Variants in CPA6 observed in about 807,000 individuals in gnomAD.
The protein encoded by CPA6 is carboxypeptidase B.
CPA6 carries 58 observed loss-of-function variants against 63.3 expected under a neutral mutation model. The observed-to-expected ratio is 0.92, with a 90% confidence interval of 0.74 to 1.14. The LOEUF (loss-of-function observed/expected upper bound fraction) is 1.14, where lower values mean the gene tolerates loss of function less well. CPA6 is among the 50% of genes most tolerant of loss of function. CPA6 has a pLI of 0.00. For synonymous variants in CPA6, 185 were observed against 179.0 expected, an observed-to-expected ratio of 1.03 and a Z score of -0.27; for missense variants, 565 against 526.6, an observed-to-expected ratio of 1.07 and a Z score of -0.71.
intron 1 of CPA6, among the ~76,000 whole-genome samples, chr8:67,714,814 A>G (rs1394038502): frequency 6.6e-6 from 1 of 152,198 alleles, no homozygotes; most frequent in African/African-American, 2.4e-5. Flanking sequence ...ATTAGAGACA[A>G]GTATGATAAA....
chr8:67,732,210 G>T (rs1047102211), intron 1 of CPA6, among the ~76,000 whole-genome samples: 2 of 152,168 alleles, frequency 1.3e-5, no homozygotes, highest in Non-Finnish European at 2.9e-5. Flanking sequence ...TGGGAATATC[G>T]CCCTTAAGCA....
intron 1 of CPA6, among the ~76,000 whole-genome samples, chr8:67,716,699 G>A (rs984238962): frequency 1.3e-5 from 2 of 152,146 alleles, no homozygotes; most frequent in Non-Finnish European, 2.9e-5. Flanking sequence ...TTAAATCTTT[G>A]TAGCTATCTT....
At chr8:67,562,483 T>C (rs1813235812) in intron 2 of CPA6, among the ~76,000 whole-genome samples, 1 of 152,196 alleles carries the variant, frequency 6.6e-6, no homozygotes, top group African/African-American at 2.4e-5. Context: ...CTATTACCAA[T>C]GCAGCTCCTT....
chr8:67,573,870 C>T (rs555507884), intron 2 of CPA6, among the ~76,000 whole-genome samples: 48 of 105,172 alleles, frequency 4.6e-4, no homozygotes, highest in African/African-American at 1.7e-3. Flanking sequence ...CCAGCCTGGG[C>T]GACAGAGCAA....
chr8:67,448,674 A>AGAACG (rs1214772054), intron 8 of CPA6, among the ~76,000 whole-genome samples: 6 of 149,246 alleles, frequency 4.0e-5, no homozygotes, highest in African/African-American at 1.5e-4. Context: ...GAAAAAGAAA[A>AGAACG]AAAAAGAAAG....
At chr8:67,652,244 T>C (rs1054357536) in intron 1 of CPA6, among the ~76,000 whole-genome samples, 1 of 152,216 alleles carries the variant, frequency 6.6e-6, no homozygotes, top group African/African-American at 2.4e-5. Context: ...TTATAGTCCT[T>C]TGGGTATATA....
intron 8 of CPA6, among the ~76,000 whole-genome samples, chr8:67,472,721 C>A (rs931811548): frequency 6.6e-6 from 1 of 152,092 alleles, no homozygotes; most frequent in Admixed American, 6.6e-5. Flanking sequence ...AACCATTGCG[C>A]CTGGCTTGTA....
intron 2 of CPA6, among the ~76,000 whole-genome samples, chr8:67,613,855 C>T (rs72657250): frequency 0.1 from 15,811 of 152,080 alleles, 914 homozygotes; most frequent in Middle Eastern, 0.18. Flanking sequence ...AGAAATAGAC[C>T]AGCAGACAGA....
At chr8:67,607,229 T>C (rs972506512) in intron 2 of CPA6, among the ~76,000 whole-genome samples, 2 of 123,892 alleles carry the variant, frequency 1.6e-5, no homozygotes, top group Non-Finnish European at 1.7e-5. Flanking sequence ...CTTCTTCTTC[T>C]TCTTCTTCTT....
At chr8:67,713,099 G>GTGTGTGTGTGTATATATA (rs1328463977) in intron 1 of CPA6, among the ~76,000 whole-genome samples, 31 of 55,028 alleles carry the variant, frequency 5.6e-4, no homozygotes, top group African/African-American at 2.3e-3. Flanking sequence ...GTGTGTGTGT[G>GTGTGTGTGTGTATATATA]TATATATATA....
In CPA6 at chr8:67,709,759, A is replaced by C. The variant is rs74980705; in HGVS notation, c.116+36255T>G. Among the ~76,000 whole-genome samples, 629 of 152,362 alleles carry C rather than the reference A, an allele frequency of 4.1e-3. 4 individuals are homozygous for C. The highest frequency in any genetic ancestry group is 0.012 in the African/African-American group (518 of 41,582). On this transcript the variant is annotated intron_variant, in intron 1 of 10. Transcript: ENST00000297770. ...TGGAAGATATACATTGGTTCAGCCC[A>C]AAAGGGCAGGACATCTTGAAGTATG... is the stretch of plus-strand genomic sequence containing the variant.
chr8:67,531,321 A>G (rs1812473076), intron 2 of CPA6, among the ~76,000 whole-genome samples: 1 of 152,174 alleles, frequency 6.6e-6, no homozygotes, highest in South Asian at 2.1e-4. Context: ...TTATCTAGGT[A>G]AAATAACATG....
chr8:67,463,116 GA>G (rs1810850024), intron 8 of CPA6, among the ~76,000 whole-genome samples: 1 of 152,138 alleles, frequency 6.6e-6, no homozygotes, highest in African/African-American at 2.4e-5. Context: ...AATAAATGCA[GA>G]AAACATACTA....
chr8:67,705,529 C>T (rs546541740), intron 1 of CPA6, among the ~76,000 whole-genome samples: 1 of 152,314 alleles, frequency 6.6e-6, no homozygotes, highest in African/African-American at 2.4e-5. Context: ...GGACCAATTA[C>T]CATTCTCCCA....
chr8:67,745,449 T>G (rs1817990081), intron 1 of CPA6, among the ~76,000 whole-genome samples: 1 of 152,204 alleles, frequency 6.6e-6, no homozygotes, highest in Admixed American at 6.5e-5. Context: ...TACTCCTATG[T>G]TTTTCCTTCA....
At chr8:67,496,318 C>A (rs1326187342) in intron 6 of CPA6, among the ~76,000 whole-genome samples, 1 of 151,724 alleles carries the variant, frequency 6.6e-6, no homozygotes, top group Non-Finnish European at 1.5e-5. Context: ...AAGCAGAATG[C>A]TAAAAATGTG....
At chr8:67,658,372 A>T (rs974432362) in intron 1 of CPA6, among the ~76,000 whole-genome samples, 7 of 152,324 alleles carry the variant, frequency 4.6e-5, no homozygotes, top group South Asian at 2.1e-4. Flanking sequence ...CTTCAATGGT[A>T]CATAATAAGG....
chr8:67,487,405 G>A (rs577484206), intron 6 of CPA6, among the ~76,000 whole-genome samples: 42 of 152,260 alleles, frequency 2.8e-4, no homozygotes, highest in Middle Eastern at 6.8e-3. Context: ...TGGCTGCATA[G>A]TATTCCATGG....
chr8:67,725,167 G>A (rs1432811967), intron 1 of CPA6, among the ~76,000 whole-genome samples: 1 of 152,144 alleles, frequency 6.6e-6, no homozygotes, highest in African/African-American at 2.4e-5. Flanking sequence ...AAAAACCACA[G>A]TATCTTGTTT....
Sources: allele counts gnomAD v4.1 joint callset (sites outside exome capture counted in the v4.1 genomes callset), GRCh38; gene constraint gnomAD v4.1.1; transcripts MANE v1.5; gene names NCBI Gene and HGNC (gene_info 2026-07-23, HGNC 2026-07-21).